ADGRV1: variants seen among roughly 807,000 people sequenced by gnomAD.
ADGRV1 encodes G-protein coupled receptor 98.
Under a neutral mutation model 596.2 loss-of-function variants are expected in ADGRV1, and 359 were observed. The ratio of observed to expected loss-of-function variants is 0.60; its 90% CI spans 0.55 to 0.66. The LOEUF (loss-of-function observed/expected upper bound fraction) is 0.66, where lower values mean the gene tolerates loss of function less well. Ranked by LOEUF, ADGRV1 falls within the 30% of genes least tolerant of loss-of-function variation. The probability of loss-of-function intolerance (pLI) is 0.00; values close to 1 mark genes in which losing one functional copy is unlikely to be tolerated. For missense variants in ADGRV1, 7,274 were observed against 7,575.6 expected (o/e 0.96, Z 1.48); for synonymous variants, 2,681 against 2,679.2 (o/e 1.00, Z -0.02).
At chr5:90,675,208 T>C (rs926380528) in intron 23 of ADGRV1, 35 bp from the exon 24 acceptor site, 10 of 1,578,344 alleles carry the variant, frequency 6.3e-6, no homozygotes, top group East Asian at 4.5e-5. Context: ...GCACAGTTCA[T>C]TGGGACAATG....
chr5:90,647,949 C>A (rs573632015), intron 17 of ADGRV1, among the ~76,000 whole-genome samples, 185 bp downstream of exon 17: 239 of 1,546 alleles, frequency 0.15, no homozygotes, highest in Admixed American at 0.26. Context: ...CCTTTATGTA[C>A]TTGTTGAACC....
At chr5:90,995,561 A>G (rs138670836) in intron 85 of ADGRV1, among the ~76,000 whole-genome samples, 22 of 152,322 alleles carry the variant, frequency 1.4e-4, no homozygotes, top group Admixed American at 4.6e-4. Context: ...ATGGACTAAT[A>G]TAGAAAATTG....
intron 10 of ADGRV1, among the ~76,000 whole-genome samples, chr5:90,635,503 A>G (rs1483455148): frequency 2.0e-5 from 3 of 152,154 alleles, no homozygotes; most frequent in African/African-American, 7.2e-5. Context: ...ATTGGAATTA[A>G]TTGCTCACAG....
At chr5:90,718,924 T>C (rs1177740294) in intron 43 of ADGRV1, among the ~76,000 whole-genome samples, 2 of 152,180 alleles carry the variant, frequency 1.3e-5, no homozygotes, top group African/African-American at 4.8e-5. Context: ...ATAACTGTTT[T>C]TATTCCAAAA....
chr5:90,725,051 A>C lies in ADGRV1; in HGVS notation c.9907-35A>C, dbSNP rs7723259. On this transcript the variant is annotated intron_variant, in intron 46 of 89. Transcript: ENST00000405460. ...ATGTGCAGATAAATTTTAGATGTAT[A>C]ATGAATAACTGTATTCTTATTCCTC... 0.67 allele frequency: 1,015,288 copies of C among 1,526,160 alleles called. 341,526 individuals are homozygous for C. Among genetic ancestry groups the C allele is most frequent in the African/African-American group, 0.87 (62,362 of 71,498 alleles). The allele number at this position is 1,526,160 out of a possible 1,614,324, so 94.5% of individuals were successfully genotyped here. A position where few individuals can be genotyped will look rare whatever the true frequency, so the allele number is the denominator to read the frequency against.
intron 83 of ADGRV1, among the ~76,000 whole-genome samples, chr5:90,899,842 G>C (rs994511064): frequency 5.9e-5 from 9 of 152,122 alleles, no homozygotes; most frequent in Admixed American, 1.3e-4. Context: ...ACGAGAGCAA[G>C]GTCTTCCACC....
At chr5:90,562,916 T>C (rs1755051128) in intron 1 of ADGRV1, among the ~76,000 whole-genome samples, 1 of 152,192 alleles carries the variant, frequency 6.6e-6, no homozygotes, top group African/African-American at 2.4e-5. Context: ...TAAATCTATT[T>C]GTTATTCAAA....
intron 1 of ADGRV1, among the ~76,000 whole-genome samples, chr5:90,602,997 A>G (rs1456109010): frequency 6.6e-6 from 1 of 152,136 alleles, no homozygotes. Context: ...TATTTTCTAA[A>G]CCTGGAGGAA....
chr5:90,662,591 TTTTTTTTC>T (rs973808470), intron 21 of ADGRV1, among the ~76,000 whole-genome samples: 4 of 152,034 alleles, frequency 2.6e-5, no homozygotes, highest in East Asian at 1.9e-4. Context: ...CCTGGTAGTT[TTTTTTTTC>T]TTTTTTTCTT....
chr5:90,599,822 T>A (rs1350241357), intron 1 of ADGRV1, among the ~76,000 whole-genome samples: 1 of 152,220 alleles, frequency 6.6e-6, no homozygotes, highest in Non-Finnish European at 1.5e-5. Flanking sequence ...GAAATGTTTG[T>A]AATCCAGGCT....
At chr5:91,016,423 G>A (rs184439994) in intron 85 of ADGRV1, among the ~76,000 whole-genome samples, 4 of 152,010 alleles carry the variant, frequency 2.6e-5, no homozygotes, top group African/African-American at 7.2e-5. Context: ...TGTGACCCAG[G>A]TCATTTACCT....
chr5:90,778,503 T>C lies in ADGRV1; in HGVS notation c.12743T>C (p.Leu4248Pro), dbSNP rs1271447267. 6.2e-7 allele frequency: 1 copy of C among 1,613,232 alleles called. No individual in the cohort carries two copies. Among genetic ancestry groups the C allele is most frequent in the South Asian group, 1.1e-5 (1 of 91,006 alleles). The change falls in exon 63 of 90, where the codon CTG becomes CCG. Residue 4248 changes from leucine to proline, a missense_variant. Around this residue, in one of 5 missense-constraint regions of ADGRV1, gnomAD observed 3,643 missense variants for 3,809.2 expected, o/e 0.96. Transcript: ENST00000405460. ...QLTAVSEGGV[L>P]SESSSTANIT... ...ACTGCAGTCAGTGAGGGAGGAGTTCTGAGTGAATCCAGCAGCACTGCCAAC... is the reference window on the plus strand; with the variant it reads ...ACTGCAGTCAGTGAGGGAGGAGTTCCGAGTGAATCCAGCAGCACTGCCAAC...
chr5:91,134,865 C>CAG (rs1198180029), intron 87 of ADGRV1, among the ~76,000 whole-genome samples: 1 of 152,034 alleles, frequency 6.6e-6, no homozygotes, highest in African/African-American at 2.4e-5. Flanking sequence ...GAAAGACATG[C>CAG]AAAACTACCT....
At chr5:90,958,725 C>A (rs187186393) in intron 83 of ADGRV1, among the ~76,000 whole-genome samples, 247 of 152,236 alleles carry the variant, frequency 1.6e-3, no homozygotes, top group African/African-American at 5.6e-3. Context: ...GTAAGGATAC[C>A]AATCATAATG....
At chr5:90,911,463 T>C (rs765874935) in intron 83 of ADGRV1, among the ~76,000 whole-genome samples, 20 of 152,326 alleles carry the variant, frequency 1.3e-4, no homozygotes, top group Non-Finnish European at 2.8e-4. Context: ...AAGATGTGAT[T>C]TAGATTTGTT....
chr5:90,643,787 G>C lies in ADGRV1; in HGVS notation c.2554-16G>C. 6.4e-7 allele frequency: 1 copy of C among 1,556,742 alleles called. No homozygotes were observed. The highest frequency in any genetic ancestry group is 1.4e-5 in the African/African-American group (1 of 73,674). On this transcript the variant is annotated splice_polypyrimidine_tract_variant and intron_variant, in intron 13 of 89. Transcript: ENST00000405460. ...GTCAACTTTATAATTTCCATACTTTGACACATTCACTTTAGTTGGATGAAC... is the reference window on the plus strand; with the variant it reads ...GTCAACTTTATAATTTCCATACTTTCACACATTCACTTTAGTTGGATGAAC...
chr5:91,070,166 C>G (rs745497769), intron 85 of ADGRV1, among the ~76,000 whole-genome samples: 1 of 152,152 alleles, frequency 6.6e-6, no homozygotes, highest in Non-Finnish European at 1.5e-5. Flanking sequence ...TGTTCACTAT[C>G]TGGGTGATGG....
At chr5:90,652,274 C>G (rs904844183) in intron 18 of ADGRV1, 72 bp from the exon 19 acceptor site, 4 of 1,082,674 alleles carry the variant, frequency 3.7e-6, no homozygotes, top group Non-Finnish European at 5.2e-6. Context: ...AAATATGTTT[C>G]CTTAATAACA....
intron 82 of ADGRV1, among the ~76,000 whole-genome samples, chr5:90,862,792 C>G (rs959487831): frequency 3.3e-5 from 5 of 151,094 alleles, no homozygotes; most frequent in Admixed American, 6.7e-5. Flanking sequence ...AATGGTTTCT[C>G]AAAAAGAAGT....
Sources: gnomAD v4.1 joint callset for allele counts (sites outside exome capture counted in the v4.1 genomes callset) on GRCh38, gnomAD v4.1.1 for gene constraint, gnomAD v4.1.1 regional missense constraint, MANE v1.5 for transcripts, NCBI Gene and HGNC (gene_info 2026-07-23, HGNC 2026-07-21) for gene names.